Variants in IPO11 observed in about 807,000 individuals in gnomAD.
IPO11 encodes the protein importin-11.
In IPO11, 66 loss-of-function variants were observed where a neutral mutation model predicts 143.2. The observed-to-expected ratio is 0.46, with a 90% CI of 0.38 to 0.57. IPO11 has a LOEUF of 0.57. Among genes scored for constraint, IPO11 ranks in the 20% least tolerant of loss-of-function variants. The pLI, the probability that IPO11 is intolerant of heterozygous loss-of-function variation, is 0.00. For missense variants in IPO11, 1,026 were observed against 1,141.0 expected, an observed-to-expected ratio of 0.90 and a Z score of 1.45; for synonymous variants, 385 against 377.8, an observed-to-expected ratio of 1.02 and a Z score of -0.22.
At chr5:62,447,107 A>T (rs982038820) in intron 3 of IPO11, among the ~76,000 whole-genome samples, 94 of 149,184 alleles carry the variant, frequency 6.3e-4, no homozygotes, top group African/African-American at 2.3e-3. Context: ...AATTATATAT[A>T]TATATTTTTT....
intron 12 of IPO11, among the ~76,000 whole-genome samples, chr5:62,486,126 G>T (rs954164817): frequency 6.6e-6 from 1 of 151,350 alleles, no homozygotes; most frequent in Non-Finnish European, 1.5e-5. Context: ...GAATACAGGC[G>T]CCCGCCACCA....
At chr5:62,434,800 G>C (rs375487866) in intron 1 of IPO11, among the ~76,000 whole-genome samples, 1 of 151,824 alleles carries the variant, frequency 6.6e-6, no homozygotes, top group Non-Finnish European at 1.5e-5. Flanking sequence ...CGAGGCAGGC[G>C]GATCATTTGA....
At chr5:62,434,534 A>G (rs928934003) in intron 1 of IPO11, among the ~76,000 whole-genome samples, 1 of 152,114 alleles carries the variant, frequency 6.6e-6, no homozygotes. Context: ...TCCTGGGCTC[A>G]GGCGATCTGT....
chr5:62,535,820 A>G lies in IPO11; in HGVS notation c.2090-882A>G, dbSNP rs1345814. ...AGAAAAAATAATTTGTCTTATTTTG[A>G]GTGAATATAATTTCTAAAATACTTG... is the stretch of plus-strand genomic sequence containing the variant. On this transcript the variant is annotated intron_variant, in intron 22 of 29. Coordinates refer to ENST00000325324, the MANE Select transcript of IPO11 (RefSeq NM_016338.5). 2.8e-4 allele frequency among the ~76,000 whole-genome samples: 42 copies of G among 152,256 alleles called. No homozygotes were observed. The South Asian group carries it at 8.1e-3, about 29-fold the overall frequency.
Position 62,536,742 on chromosome 5 carries a change from C to A in IPO11, c.2130C>A (p.Ile710=). Reference sequence around the variant, plus strand: ...ATCTTAGAACTTGCTTTAAGATCATCAATGGTTATATCTTTTTATCATCAA... The same window carrying A: ...ATCTTAGAACTTGCTTTAAGATCATAAATGGTTATATCTTTTTATCATCAA... ...SENLRTCFKI[I]NGYIFLSSTE... Residue 710 remains isoleucine (I), a synonymous_variant, in exon 23 of 30, where the codon ATC becomes ATA. Coordinates refer to ENST00000325324, the MANE Select transcript of IPO11 (RefSeq NM_016338.5). 6.3e-7 allele frequency: 1 copy of A among 1,576,132 alleles called. No homozygotes were observed. The highest frequency in any genetic ancestry group is 1.2e-5 in the South Asian group (1 of 84,388).
At chr5:62,462,498 G>A (rs566910886) in intron 5 of IPO11, among the ~76,000 whole-genome samples, 2 of 150,204 alleles carry the variant, frequency 1.3e-5, no homozygotes, top group Non-Finnish European at 3.0e-5. Flanking sequence ...AAAAAAAAAA[G>A]AACAGTTTTG....
intron 5 of IPO11, among the ~76,000 whole-genome samples, chr5:62,460,251 G>A (rs932109464): frequency 3.3e-5 from 4 of 120,552 alleles, no homozygotes; most frequent in Non-Finnish European, 6.9e-5. Context: ...AAATGAATAA[G>A]GTGCATTTGA....
intron 16 of IPO11, among the ~76,000 whole-genome samples, chr5:62,499,569 C>CTTTTTTT (rs35545041): frequency 3.5e-4 from 35 of 100,090 alleles, no homozygotes; most frequent in East Asian, 6.2e-4. Flanking sequence ...CTTACTCTAA[C>CTTTTTTT]TTTTTTTTTT....
intron 19 of IPO11, among the ~76,000 whole-genome samples, chr5:62,507,195 T>C (rs1741582366): frequency 6.6e-6 from 1 of 152,196 alleles, no homozygotes; most frequent in East Asian, 1.9e-4. Context: ...AATTTGAGAC[T>C]TGAAGGAACT....
At chr5:62,520,229 A>G (rs1742158503) in intron 20 of IPO11, among the ~76,000 whole-genome samples, 1 of 152,250 alleles carries the variant, frequency 6.6e-6, no homozygotes, top group South Asian at 2.1e-4. Context: ...TGTGTACAGT[A>G]GTGTCCAAGA....
At chr5:62,533,926 G>C (rs918338961) in intron 22 of IPO11, among the ~76,000 whole-genome samples, 12 of 148,240 alleles carry the variant, frequency 8.1e-5, no homozygotes, top group Non-Finnish European at 1.6e-4. Context: ...TTCCAGCTTG[G>C]GCAACAGAAC....
chr5:62,577,409 G>T (rs1355965196), intron 27 of IPO11, among the ~76,000 whole-genome samples: 3 of 151,888 alleles, frequency 2.0e-5, no homozygotes, highest in African/African-American at 4.8e-5. Context: ...TCATACTCTG[G>T]TTATATTACT....
chr5:62,524,368 G>A (rs1001116414), intron 20 of IPO11, among the ~76,000 whole-genome samples: 5 of 152,084 alleles, frequency 3.3e-5, no homozygotes, highest in African/African-American at 7.2e-5. Context: ...TGTGTTTAGC[G>A]ATTGCTTACG....
Position 62,438,800 on chromosome 5 carries a change from C to T in IPO11, c.138+1383C>T, listed in dbSNP as rs1261825355. Reference sequence around the variant, plus strand: ...CGGGGCCAGGTGTGGTGGCTTATGCCTGTCATCCCAGCACTTTGGGAGGCC... The same window carrying T: ...CGGGGCCAGGTGTGGTGGCTTATGCTTGTCATCCCAGCACTTTGGGAGGCC... On this transcript the variant is annotated intron_variant, in intron 2 of 29. Transcript: ENST00000325324. 2.0e-5 allele frequency among the ~76,000 whole-genome samples: 3 copies of T among 151,976 alleles called. No individual in the cohort carries two copies. In the South Asian group the frequency reaches 6.2e-4, roughly 32 times the overall value.
chr5:62,513,929 C>G (rs1308348435), intron 19 of IPO11, among the ~76,000 whole-genome samples: 1 of 136,968 alleles, frequency 7.3e-6, no homozygotes, highest in East Asian at 2.2e-4. Context: ...GCGGCCGGGC[C>G]GAGGCGCTCC....
chr5:62,568,952 G>A (rs1291257578), intron 27 of IPO11, among the ~76,000 whole-genome samples: 2 of 152,204 alleles, frequency 1.3e-5, no homozygotes, highest in Non-Finnish European at 2.9e-5. Context: ...GGATACTGCA[G>A]CCATTTTAGC....
chr5:62,498,739 G>A (rs1741239878), intron 16 of IPO11, among the ~76,000 whole-genome samples: 1 of 152,114 alleles, frequency 6.6e-6, no homozygotes, highest in African/African-American at 2.4e-5. Context: ...GCATGGTGGC[G>A]GGCACCTGTA....
At chr5:62,424,088 G>T (rs1476442258) in intron 1 of IPO11, among the ~76,000 whole-genome samples, 1 of 151,426 alleles carries the variant, frequency 6.6e-6, no homozygotes, top group African/African-American at 2.4e-5. Context: ...GTGTGAATAT[G>T]GCTCACTGCA....
chr5:62,439,270 TACTA>T (rs2112135337), intron 2 of IPO11, among the ~76,000 whole-genome samples: 1 of 150,010 alleles, frequency 6.7e-6, no homozygotes, highest in Non-Finnish European at 1.5e-5. Flanking sequence ...TTATTAATAA[TACTA>T]ACTGCGTAGG....
Sources: allele counts gnomAD v4.1 joint callset (sites outside exome capture counted in the v4.1 genomes callset), GRCh38; gene constraint gnomAD v4.1.1; transcripts MANE v1.5; gene names NCBI Gene and HGNC (gene_info 2026-07-23, HGNC 2026-07-21).